FILIP1: variants seen among roughly 807,000 people sequenced by gnomAD.
FILIP1 encodes filamin-A-interacting protein 1.
In FILIP1, 61 loss-of-function variants were observed where a neutral mutation model predicts 102.1. The ratio of observed to expected loss-of-function variants is 0.60; its 90% CI spans 0.49 to 0.74. FILIP1 has a LOEUF of 0.74. Among genes scored for constraint, FILIP1 ranks in the 30% least tolerant of loss-of-function variants. The pLI, the probability that FILIP1 is intolerant of heterozygous loss-of-function variation, is 0.00. For synonymous variants in FILIP1, 491 were observed against 526.9 expected (o/e 0.93, Z 0.93); for missense variants, 1,314 against 1,441.2 (o/e 0.91, Z 1.43).
chr6:75,298,436 C>A (rs2842465), intron 6 of FILIP1, among the ~76,000 whole-genome samples: 62,560 of 151,390 alleles, frequency 0.41, 12,910 homozygotes, highest in East Asian at 0.55. Flanking sequence ...ATATGGAGAC[C>A]AACTTCATTT....
At chr6:75,350,985 T>C (rs1305311098) in intron 4 of FILIP1, among the ~76,000 whole-genome samples, 2 of 152,174 alleles carry the variant, frequency 1.3e-5, no homozygotes, top group East Asian at 3.9e-4. Flanking sequence ...TTGTGCCACA[T>C]AACGACACTT....
chr6:75,341,980 A>G (rs1039214728), intron 4 of FILIP1, among the ~76,000 whole-genome samples: 1 of 152,214 alleles, frequency 6.6e-6, no homozygotes, highest in African/African-American at 2.4e-5. Context: ...GAATGGGGCT[A>G]TATATTCATT....
chr6:75,464,806 G>A (rs544266556), intron 1 of FILIP1, among the ~76,000 whole-genome samples: 8 of 152,074 alleles, frequency 5.3e-5, no homozygotes, highest in Non-Finnish European at 1.2e-4. Context: ...TCCTCCTGTA[G>A]CCTTCCCCAC....
intron 2 of FILIP1, among the ~76,000 whole-genome samples, chr6:75,410,600 CAT>C (rs1248159252): frequency 7.2e-5 from 11 of 152,180 alleles, no homozygotes; most frequent in African/African-American, 2.2e-4. Context: ...TCGCTGTGCC[CAT>C]ATGTTTTCAT....
At chr6:75,458,454 T>C (rs1778915334) in intron 1 of FILIP1, among the ~76,000 whole-genome samples, 1 of 152,180 alleles carries the variant, frequency 6.6e-6, no homozygotes, top group Non-Finnish European at 1.5e-5. Context: ...TCACAGCTAA[T>C]TAATTTCAAA....
intron 3 of FILIP1, among the ~76,000 whole-genome samples, chr6:75,355,027 G>T (rs1296571881): frequency 6.6e-6 from 1 of 152,174 alleles, no homozygotes; most frequent in Non-Finnish European, 1.5e-5. Context: ...GGGCGCAAAG[G>T]CTCATGCCCG....
chr6:75,301,359 GAATA>G (rs1772831576), intron 6 of FILIP1, among the ~76,000 whole-genome samples: 1 of 152,132 alleles, frequency 6.6e-6, no homozygotes, highest in Non-Finnish European at 1.5e-5. Flanking sequence ...ATGAAATAAT[GAATA>G]ATGTACTGGG....
chr6:75,399,468 T>A (rs1304997270), intron 2 of FILIP1, among the ~76,000 whole-genome samples: 1 of 152,208 alleles, frequency 6.6e-6, no homozygotes, highest in African/African-American at 2.4e-5. Context: ...AATAGGCCAT[T>A]AATATACATT....
chr6:75,471,525 G>A (rs994426451), intron 1 of FILIP1, among the ~76,000 whole-genome samples: 2 of 152,058 alleles, frequency 1.3e-5, no homozygotes, highest in Non-Finnish European at 2.9e-5. Context: ...GCGCATTCAC[G>A]GATAATTTTG....
At chr6:75,388,257 A>C (rs977136872) in intron 2 of FILIP1, among the ~76,000 whole-genome samples, 1 of 152,180 alleles carries the variant, frequency 6.6e-6, no homozygotes, top group Non-Finnish European at 1.5e-5. Flanking sequence ...TTTTGGTACC[A>C]GTACCATGCT....
At chr6:75,480,596 C>T (rs1033350502) in intron 1 of FILIP1, among the ~76,000 whole-genome samples, 1 of 152,148 alleles carries the variant, frequency 6.6e-6, no homozygotes, top group Non-Finnish European at 1.5e-5. Context: ...TTTATTGCCT[C>T]AGCAGCAGTT....
chr6:75,326,587 G>A (rs938550149), intron 4 of FILIP1, among the ~76,000 whole-genome samples: 1 of 151,848 alleles, frequency 6.6e-6, no homozygotes, highest in Non-Finnish European at 1.5e-5. Context: ...TGAAATAAAA[G>A]GAAAGGTCTC....
chr6:75,438,586 C>T (rs1778101805), intron 1 of FILIP1, among the ~76,000 whole-genome samples: 1 of 152,078 alleles, frequency 6.6e-6, no homozygotes, highest in South Asian at 2.1e-4. Context: ...TAGCATAGGG[C>T]TTTCACATAA....
At chr6:75,460,492 T>C (rs1778988650) in intron 1 of FILIP1, among the ~76,000 whole-genome samples, 2 of 152,192 alleles carry the variant, frequency 1.3e-5, no homozygotes, top group African/African-American at 4.8e-5. Context: ...AGGAGTAATA[T>C]TAGATATTGA....
At chr6:75,397,546 A>G (rs1167831549) in intron 2 of FILIP1, among the ~76,000 whole-genome samples, 1 of 28,908 alleles carries the variant, frequency 3.5e-5, no homozygotes, top group Non-Finnish European at 6.1e-5. Context: ...AGACACACAC[A>G]CACACACACA....
At chr6:75,329,954 A>T (rs1251535240) in intron 4 of FILIP1, among the ~76,000 whole-genome samples, 1 of 152,106 alleles carries the variant, frequency 6.6e-6, no homozygotes, top group Non-Finnish European at 1.5e-5. Context: ...TGAATAAATT[A>T]CCTCATTTCC....
chr6:75,329,661 T>C (rs906361841), intron 4 of FILIP1, among the ~76,000 whole-genome samples: 1 of 152,164 alleles, frequency 6.6e-6, no homozygotes, highest in African/African-American at 2.4e-5. Flanking sequence ...TTAGTCACAA[T>C]GTGTTTTTTC....
At chr6:75,383,425 C>T (rs1775966486) in intron 2 of FILIP1, among the ~76,000 whole-genome samples, 1 of 152,070 alleles carries the variant, frequency 6.6e-6, no homozygotes, top group South Asian at 2.1e-4. Flanking sequence ...AATGAATTTA[C>T]AGTGGTAAAT....
intron 4 of FILIP1, among the ~76,000 whole-genome samples, chr6:75,316,996 C>T (rs1773468953): frequency 6.6e-6 from 1 of 152,180 alleles, no homozygotes; most frequent in Non-Finnish European, 1.5e-5. Flanking sequence ...AACGTTACTG[C>T]TTCCAATTCT....
Sources: gnomAD v4.1 joint callset for allele counts (sites outside exome capture counted in the v4.1 genomes callset) on GRCh38, gnomAD v4.1.1 for gene constraint, MANE v1.5 for transcripts, NCBI Gene and HGNC (gene_info 2026-07-23, HGNC 2026-07-21) for gene names.